TENM2: variants seen among roughly 807,000 people sequenced by gnomAD.
The protein encoded by TENM2 is teneurin transmembrane protein 2.
Under a neutral mutation model 245.2 loss-of-function variants are expected in TENM2, and 52 were observed. The observed-to-expected ratio is 0.21, with a 90% confidence interval of 0.17 to 0.27. The LOEUF (loss-of-function observed/expected upper bound fraction) is 0.27. TENM2 is among the 10% of genes least tolerant of loss of function. The probability of loss-of-function intolerance (pLI) is 1.00; values close to 1 mark genes in which losing one functional copy is unlikely to be tolerated. For missense variants in TENM2, 3,046 were observed against 3,666.8 expected, an observed-to-expected ratio of 0.83 and a Z score of 4.37; for synonymous variants, 1,363 against 1,438.9, an observed-to-expected ratio of 0.95 and a Z score of 1.19.
chr5:167,238,020 A>G, the TENM2 span, among the ~76,000 whole-genome samples: 18 of 150,988 alleles, frequency 1.2e-4, no homozygotes, highest in African/African-American at 4.4e-4. Context: ...AAAAAAAAAA[A>G]AAAAAAAAAA....
At chr5:168,084,133 T>C (rs376909713) in intron 7 of TENM2, among the ~76,000 whole-genome samples, 12 of 152,242 alleles carry the variant, frequency 7.9e-5, no homozygotes, top group African/African-American at 2.2e-4. Flanking sequence ...CCGTGGTGTA[T>C]ATGTACCACA....
At chr5:167,939,336 C>T (rs1055892725) in intron 3 of TENM2, among the ~76,000 whole-genome samples, 1 of 152,180 alleles carries the variant, frequency 6.6e-6, no homozygotes, top group Non-Finnish European at 1.5e-5. Context: ...AAATCTAATG[C>T]TGCCACTGAT....
chr5:167,395,715 A>G (rs954805870), intron 2 of TENM2, among the ~76,000 whole-genome samples: 1 of 152,174 alleles, frequency 6.6e-6, no homozygotes, highest in Non-Finnish European at 1.5e-5. Flanking sequence ...TGACTCTTGA[A>G]TGATGCCATT....
chr5:168,206,694 T>C (rs1270544058), intron 19 of TENM2, among the ~76,000 whole-genome samples: 1 of 152,158 alleles, frequency 6.6e-6, no homozygotes, highest in Non-Finnish European at 1.5e-5. Context: ...GATGTTGTTT[T>C]TGTTTGCTTT....
In TENM2 at chr5:168,090,763, G is replaced by T. The variant is rs773246950; in HGVS notation, c.1705G>T (p.Val569Phe). ...AGAGATGGTTTCCTTCAATACTGTT[G>T]TCCTAGGTAGGTGTGGGGTCTCTGA... The change falls in exon 8 of 29, where the codon GTC (valine) becomes TTC (phenylalanine). Residue 569 changes from valine to phenylalanine, a missense_variant. This residue lies in a region of TENM2 where 2,704 missense variants were observed against 3,331.9 expected (regional missense o/e 0.81). Transcript: ENST00000518659. The T allele has an allele frequency of 6.2e-6, 10 of 1,613,378 alleles. No homozygotes were observed. The Admixed American group carries it at 1.5e-4, about 24-fold the overall frequency.
intron 2 of TENM2, among the ~76,000 whole-genome samples, chr5:167,575,707 T>C (rs1473428662): frequency 1.3e-5 from 2 of 152,168 alleles, no homozygotes; most frequent in African/African-American, 4.8e-5. Flanking sequence ...TTTTTCCTCA[T>C]GGTTGAAAGA....
the TENM2 span, among the ~76,000 whole-genome samples, chr5:167,008,969 C>T: frequency 1.3e-5 from 2 of 152,112 alleles, no homozygotes; most frequent in Non-Finnish European, 2.9e-5. Flanking sequence ...TGCTCCACAT[C>T]GAGACATGAG....
At chr5:167,882,793 G>A (rs1773984049) in intron 3 of TENM2, among the ~76,000 whole-genome samples, 1 of 152,058 alleles carries the variant, frequency 6.6e-6, no homozygotes, top group African/African-American at 2.4e-5. Flanking sequence ...GGGGATTATG[G>A]GAATTACAAT....
chr5:167,536,397 G>A lies in TENM2; in HGVS notation c.502+160924G>A, dbSNP rs377087808. 7.4e-4 allele frequency among the ~76,000 whole-genome samples: 112 copies of A among 152,028 alleles called. 1 individual carries two copies. In the Middle Eastern group the frequency reaches 0.031, roughly 42 times the overall value. ...GATCAGCAAACTTATTCTATAAAGG[G>A]CCAGATAGTAAATATGTAAGGCTTT... On this transcript the variant is annotated intron_variant, in intron 2 of 28. Coordinates refer to ENST00000518659, the Ensembl canonical transcript of TENM2.
At chr5:166,987,855 A>G in the TENM2 span, among the ~76,000 whole-genome samples, 1 of 152,164 alleles carries the variant, frequency 6.6e-6, no homozygotes, top group Non-Finnish European at 1.5e-5. Context: ...AAGGAGAGAA[A>G]ATTTTCAAGC....
intron 5 of TENM2, among the ~76,000 whole-genome samples, chr5:168,034,148 TGTGTATATATATATGTATATATATACAC>T (rs1787437190): frequency 5.8e-5 from 6 of 104,150 alleles, no homozygotes; most frequent in South Asian, 2.8e-4. Flanking sequence ...TACATATATA[TGTGTATATATATATGTATATATATACAC>T]ACACACACAC....
chr5:166,982,840 C>T, the TENM2 span, among the ~76,000 whole-genome samples: 4 of 151,706 alleles, frequency 2.6e-5, no homozygotes, highest in African/African-American at 9.7e-5. Flanking sequence ...TAGTAGGGGA[C>T]ATAGCAGTAT....
intron 2 of TENM2, among the ~76,000 whole-genome samples, chr5:167,418,253 C>CCGGA (rs1763281582): frequency 6.6e-6 from 1 of 151,834 alleles, no homozygotes; most frequent in Admixed American, 6.6e-5. Flanking sequence ...TGCTTGAACC[C>CCGGA]CGGAGGTGGA....
intron 2 of TENM2, among the ~76,000 whole-genome samples, chr5:167,792,033 G>T (rs77152600): frequency 1.3e-5 from 2 of 152,124 alleles, no homozygotes; most frequent in African/African-American, 4.8e-5. Context: ...TTTTCCTGTG[G>T]TAAAGAGGAG....
At chr5:168,112,609 G>GC (rs1794758270) in intron 9 of TENM2, among the ~76,000 whole-genome samples, 1 of 133,612 alleles carries the variant, frequency 7.5e-6, no homozygotes, top group African/African-American at 2.8e-5. Flanking sequence ...CAGTGGGCGG[G>GC]GGGGGGGTCA....
At position 167,669,592 on chromosome 5, in the gene TENM2, C is replaced by T. The variant is rs183866775; in HGVS notation, c.503-206394C>T. 4.1e-4 allele frequency among the ~76,000 whole-genome samples: 62 copies of T among 152,114 alleles called. 1 individual carries two copies. In the East Asian group the frequency reaches 7.3e-3, roughly 18 times the overall value. ...GTGCTTTTTTTTTTCTGATATCCCC[C>T]CCTTGGCTCCTGCTTCTCATTCCTG... is the stretch of plus-strand genomic sequence containing the variant. On this transcript the variant is annotated intron_variant, in intron 2 of 28. Coordinates refer to ENST00000518659, the Ensembl canonical transcript of TENM2.
intron 1 of TENM2, among the ~76,000 whole-genome samples, chr5:167,344,600 T>G (rs930210269): frequency 1.3e-5 from 2 of 152,174 alleles, no homozygotes; most frequent in African/African-American, 2.4e-5. Flanking sequence ...AATAAATGTT[T>G]TCTAAAGAAA....
chr5:167,801,054 A>G (rs1285619988), intron 2 of TENM2, among the ~76,000 whole-genome samples: 1 of 144,382 alleles, frequency 6.9e-6, no homozygotes, highest in Non-Finnish European at 1.5e-5. Flanking sequence ...TGACCATAGG[A>G]GTACAGTACT....
chr5:168,253,065 C>G lies in TENM2; in HGVS notation c.7432+4694C>G, dbSNP rs1335675925. Among the ~76,000 whole-genome samples, 3 of 151,786 alleles carry G rather than the reference C, an allele frequency of 2.0e-5. No individual in the cohort carries two copies. In the East Asian group the frequency reaches 6.0e-4, roughly 30 times the overall value. On this transcript the variant is annotated intron_variant, in intron 27 of 28. Coordinates refer to ENST00000518659, the Ensembl canonical transcript of TENM2. ...CACTGCAACCTCTGCCTCCCGGGTTCAAGCGATTCTCCTGCCTCAGCCTCC... is the reference window on the plus strand; with the variant it reads ...CACTGCAACCTCTGCCTCCCGGGTTGAAGCGATTCTCCTGCCTCAGCCTCC...
Sources: allele counts gnomAD v4.1 joint callset (sites outside exome capture counted in the v4.1 genomes callset), GRCh38; gene constraint gnomAD v4.1.1; regional missense constraint gnomAD v4.1.1; transcripts MANE v1.5; gene names NCBI Gene and HGNC (gene_info 2026-07-23, HGNC 2026-07-21).